FBN2: variants seen among roughly 807,000 people sequenced by gnomAD.
The protein encoded by FBN2 is fibrillin-2.
In FBN2, 105 loss-of-function variants were observed where a neutral mutation model predicts 355.6. That is an observed-to-expected ratio of 0.30 (90% CI 0.25 to 0.35). The LOEUF (loss-of-function observed/expected upper bound fraction) is 0.35, where lower values mean the gene tolerates loss of function less well. Ranked by LOEUF, FBN2 falls within the 10% of genes least tolerant of loss-of-function variation. FBN2 has a pLI of 1.00. For synonymous variants in FBN2, 1,350 were observed against 1,301.2 expected (o/e 1.04, Z -0.81); for missense variants, 3,280 against 3,758.7 (o/e 0.87, Z 3.33).
chr5:128,510,282 T>C (rs1756079179), intron 5 of FBN2, among the ~76,000 whole-genome samples: 1 of 152,146 alleles, frequency 6.6e-6, no homozygotes, highest in Non-Finnish European at 1.5e-5. Flanking sequence ...ACCCTGATAA[T>C]GGTTTAAGAA....
At chr5:128,471,809 TTGAG>T (rs1234868890) in intron 5 of FBN2, among the ~76,000 whole-genome samples, 2 of 152,162 alleles carry the variant, frequency 1.3e-5, no homozygotes, top group Non-Finnish European at 2.9e-5. Flanking sequence ...AATTATAAGT[TTGAG>T]TATTTATACA....
intron 18 of FBN2, among the ~76,000 whole-genome samples, chr5:128,363,421 C>T (rs1561419075): frequency 6.6e-6 from 1 of 152,126 alleles, no homozygotes; most frequent in African/African-American, 2.4e-5. Flanking sequence ...AACTCCTAAC[C>T]TCAGGTGATC....
chr5:128,370,928 A>T (rs1751916835), intron 15 of FBN2, among the ~76,000 whole-genome samples: 1 of 152,206 alleles, frequency 6.6e-6, no homozygotes, highest in Non-Finnish European at 1.5e-5. Context: ...TCAGATCCCC[A>T]CAAGATGATC....
chr5:128,322,338 T>C (rs1750401697), intron 34 of FBN2, among the ~76,000 whole-genome samples: 1 of 152,242 alleles, frequency 6.6e-6, no homozygotes, highest in South Asian at 2.1e-4. Context: ...CTTTTGGTGT[T>C]TCAGTCATGA....
intron 5 of FBN2, among the ~76,000 whole-genome samples, chr5:128,470,437 AG>A (rs937853237): frequency 3.9e-5 from 6 of 152,164 alleles, no homozygotes; most frequent in African/African-American, 1.4e-4. Context: ...AGAGTCTGGT[AG>A]GGGGTTTGGG....
In FBN2 at chr5:128,486,864, T is replaced by C. The variant is rs1489004405; in HGVS notation, c.629-21943A>G. Among the ~76,000 whole-genome samples the C allele has an allele frequency of 2.0e-5, 3 of 152,068 alleles. No homozygotes were observed. In the South Asian group the frequency reaches 6.2e-4, roughly 31 times the overall value. On this transcript the variant is annotated intron_variant, in intron 5 of 64. Coordinates refer to ENST00000262464, the MANE Select transcript of FBN2 (RefSeq NM_001999.4). ...TCCCACCTATGAGAGAGAACTGCAG[T>C]GTTTGGTTTTCTGTCCTTGTGATAG...
At chr5:128,353,817 G>A (rs995799492) in intron 20 of FBN2, among the ~76,000 whole-genome samples, 1 of 152,176 alleles carries the variant, frequency 6.6e-6, no homozygotes, top group Non-Finnish European at 1.5e-5. Context: ...TACAGTGTCA[G>A]CATCAAGATT....
intron 7 of FBN2, among the ~76,000 whole-genome samples, chr5:128,430,708 G>A (rs1162122850): frequency 6.6e-6 from 1 of 151,986 alleles, no homozygotes; most frequent in East Asian, 1.9e-4. Flanking sequence ...GCCAGGTGTG[G>A]TGGCACAGGC....
At chr5:128,516,355 G>T in intron 5 of FBN2, among the ~76,000 whole-genome samples, 1 of 150,872 alleles carries the variant, frequency 6.6e-6, no homozygotes, top group South Asian at 2.1e-4. Flanking sequence ...TTTACAATTA[G>T]CCTGTAACCA....
intron 64 of FBN2, among the ~76,000 whole-genome samples, chr5:128,260,845 T>C (rs1331635936): frequency 6.6e-6 from 1 of 152,174 alleles, no homozygotes; most frequent in Non-Finnish European, 1.5e-5. Flanking sequence ...ATTAGGTTTT[T>C]TGGTGGGGTA....
In FBN2 at chr5:128,289,156, T is replaced by A; in HGVS notation, c.6608A>T (p.Asn2203Ile). The change falls in exon 52 of 65, where the codon AAC becomes ATC. Residue 2203 changes from asparagine (N) to isoleucine (I), a missense_variant. By Grantham distance (149) the Asn-to-Ile change is moderately radical. This residue lies in a region of FBN2 where 2,284 missense variants were observed against 2,749.5 expected (regional missense o/e 0.83). Coordinates refer to ENST00000262464, the MANE Select transcript of FBN2 (RefSeq NM_001999.4). The stretch of plus-strand genomic sequence containing the variant: ...ACAGCGTACTCCAGTGTAGTCAAGG[T>A]TGTAGCCCATTGGACATTCACAGCG... ...SFRCECPMGY[N>I]LDYTGVRCVD... 6.2e-7 allele frequency: 1 copy of A among 1,613,916 alleles called. No homozygotes were observed.
chr5:128,534,849 G>A (rs932326523), intron 2 of FBN2, among the ~76,000 whole-genome samples: 2 of 151,842 alleles, frequency 1.3e-5, no homozygotes, highest in Admixed American at 6.5e-5. Flanking sequence ...CCTCCTCCTC[G>A]GCTGCTCTCC....
At chr5:128,271,134 A>C (rs1285034722) in intron 62 of FBN2, among the ~76,000 whole-genome samples, 1 of 152,222 alleles carries the variant, frequency 6.6e-6, no homozygotes, top group Admixed American at 6.5e-5. Context: ...CAAAGGATAA[A>C]ATCAGACTAA....
chr5:128,515,536 A>G (rs1404681501), intron 5 of FBN2, among the ~76,000 whole-genome samples: 1 of 151,880 alleles, frequency 6.6e-6, no homozygotes, highest in Non-Finnish European at 1.5e-5. Flanking sequence ...AGATGGAGTG[A>G]CTCCTTCTCA....
intron 36 of FBN2, among the ~76,000 whole-genome samples, chr5:128,313,695 T>C (rs974205075): frequency 2.0e-5 from 3 of 151,598 alleles, no homozygotes; most frequent in South Asian, 2.1e-4. Context: ...CTACTAAAAA[T>C]ACAGAAAATT....
In FBN2 at chr5:128,315,919, C is replaced by T. The variant is rs550241396; in HGVS notation, c.4717+2230G>A. Among the ~76,000 whole-genome samples the T allele has an allele frequency of 5.3e-4, 81 of 152,294 alleles. 1 individual carries two copies. The South Asian group carries it at 8.9e-3, about 17-fold the overall frequency. On this transcript the variant is annotated intron_variant, in intron 36 of 64. Transcript: ENST00000262464. ...CCTAGGATATTGGTCTCTGAAGACACGTAGTCTGGGATTGTGCTTAGATGA... is the reference window on the plus strand; with the variant it reads ...CCTAGGATATTGGTCTCTGAAGACATGTAGTCTGGGATTGTGCTTAGATGA...
At chr5:128,273,369 G>C (rs927091325) in intron 61 of FBN2, among the ~76,000 whole-genome samples, 1 of 152,182 alleles carries the variant, frequency 6.6e-6, no homozygotes, top group African/African-American at 2.4e-5. Context: ...GGAGTGAAGC[G>C]GGAGCTTGAC....
Position 128,464,956 on chromosome 5 carries a change from A to T in FBN2, c.629-35T>A, listed in dbSNP as rs773258586. The T allele has an allele frequency of 2.5e-6, 4 of 1,591,208 alleles. No homozygotes were observed. The South Asian group carries it at 4.4e-5, about 18-fold the overall frequency. On this transcript the variant is annotated intron_variant, in intron 5 of 64. Coordinates refer to ENST00000262464, the MANE Select transcript of FBN2 (RefSeq NM_001999.4). ...GGGAGAAGAAAGAAAGACAGGTTTT[A>T]TGATCATATACTAATCTTATACCAG...
chr5:128,312,486 G>T, intron 37 of FBN2, 148 bp downstream of exon 37: 1 of 787,924 alleles, frequency 1.3e-6, no homozygotes, highest in Non-Finnish European at 2.1e-6. Context: ...TTCTTGGCTG[G>T]TTTCAGAGTG....
Sources: gnomAD v4.1 joint callset for allele counts (sites outside exome capture counted in the v4.1 genomes callset) on GRCh38, gnomAD v4.1.1 for gene constraint, gnomAD v4.1.1 regional missense constraint, MANE v1.5 for transcripts, NCBI Gene and HGNC (gene_info 2026-07-23, HGNC 2026-07-21) for gene names.